The following PRKCQ variants were observed in gnomAD, a reference collection of about 807,000 sequenced individuals.
PRKCQ encodes the protein protein kinase C theta.
A neutral mutation model predicts 91.2 loss-of-function variants in PRKCQ; 41 were observed. The ratio of observed to expected loss-of-function variants is 0.45; its 90% CI spans 0.35 to 0.58. The LOEUF is 0.58. Among genes scored for constraint, PRKCQ ranks in the 20% least tolerant of loss-of-function variants. The pLI is 0.00. For missense variants in PRKCQ, 673 were observed against 896.5 expected (o/e 0.75, Z 3.18); for synonymous variants, 307 against 316.9 (o/e 0.97, Z 0.33).
At chr10:6,452,143 T>C (rs1044814570) in intron 15 of PRKCQ, among the ~76,000 whole-genome samples, 2 of 152,146 alleles carry the variant, frequency 1.3e-5, no homozygotes, top group African/African-American at 4.8e-5. Flanking sequence ...AATTGTCCTG[T>C]TTGCAGATGA....
intron 16 of PRKCQ, among the ~76,000 whole-genome samples, chr10:6,440,319 G>A (rs372418433): frequency 1.9e-4 from 29 of 152,306 alleles, no homozygotes; most frequent in African/African-American, 6.3e-4. Flanking sequence ...CAGAATCAGC[G>A]TTGGTACAGT....
chr10:6,501,253 GA>G (rs907837896), intron 4 of PRKCQ, among the ~76,000 whole-genome samples: 3 of 148,688 alleles, frequency 2.0e-5, no homozygotes, highest in Non-Finnish European at 3.0e-5. Context: ...GTTAGGGAAA[GA>G]AAAAAAAACT....
chr10:6,539,619 A>G (rs1369635250), intron 1 of PRKCQ, among the ~76,000 whole-genome samples: 1 of 152,116 alleles, frequency 6.6e-6, no homozygotes, highest in Non-Finnish European at 1.5e-5. Context: ...GTTACAATGT[A>G]ATAATAATAG....
chr10:6,503,546 A>G (rs1297513230), intron 4 of PRKCQ, among the ~76,000 whole-genome samples: 1 of 152,140 alleles, frequency 6.6e-6, no homozygotes, highest in Non-Finnish European at 1.5e-5. Flanking sequence ...GAGCTGAGCC[A>G]TTTACTTCCT....
chr10:6,575,066 G>C (rs1410662278), intron 1 of PRKCQ, among the ~76,000 whole-genome samples: 1 of 152,180 alleles, frequency 6.6e-6, no homozygotes, highest in East Asian at 1.9e-4. Flanking sequence ...CAGCCCTCAT[G>C]GAGTTTCATG....
In PRKCQ at chr10:6,460,363, C is replaced by T. The variant is rs111939309; in HGVS notation, c.1508+1940G>A. On this transcript the variant is annotated intron_variant, in intron 14 of 17. Transcript: ENST00000263125. ...GACATGATAGAAAGAAGCTTTGTGACACAGGGAAATAAAATGCCCCGAGGC... is the reference window on the plus strand; with the variant it reads ...GACATGATAGAAAGAAGCTTTGTGATACAGGGAAATAAAATGCCCCGAGGC... Among the ~76,000 whole-genome samples the T allele has an allele frequency of 1.3e-3, 201 of 151,660 alleles. 1 individual carries two copies. Among genetic ancestry groups the T allele is most frequent in the African/African-American group, 4.6e-3 (192 of 41,300 alleles).
intron 10 of PRKCQ, 99 bp downstream of exon 10, chr10:6,485,053 C>T: frequency 9.6e-7 from 1 of 1,046,056 alleles, no homozygotes; most frequent in South Asian, 1.5e-5. Context: ...GATCACCTAT[C>T]AGACCAGGTA....
intron 7 of PRKCQ, among the ~76,000 whole-genome samples, chr10:6,492,079 C>T (rs1330091961): frequency 6.6e-6 from 1 of 152,140 alleles, no homozygotes; most frequent in Non-Finnish European, 1.5e-5. Flanking sequence ...TTCACACAGA[C>T]AGGCTAAAAG....
intron 15 of PRKCQ, among the ~76,000 whole-genome samples, chr10:6,443,053 T>TCA (rs1482056304): frequency 6.6e-6 from 1 of 152,244 alleles, no homozygotes; most frequent in Non-Finnish European, 1.5e-5. Flanking sequence ...TGAGTCTATC[T>TCA]GTTAGGGAGG....
intron 4 of PRKCQ, among the ~76,000 whole-genome samples, chr10:6,499,908 C>T (rs1368898996): frequency 6.6e-6 from 1 of 152,218 alleles, no homozygotes; most frequent in Non-Finnish European, 1.5e-5. Flanking sequence ...AGGAATCCAG[C>T]CACATCCCAG....
At chr10:6,474,762 T>A (rs1242277217) in intron 12 of PRKCQ, among the ~76,000 whole-genome samples, 1 of 152,246 alleles carries the variant, frequency 6.6e-6, no homozygotes, top group Admixed American at 6.5e-5. Flanking sequence ...AAAAGATTTA[T>A]GACAACTCTT....
intron 1 of PRKCQ, among the ~76,000 whole-genome samples, chr10:6,571,268 T>C (rs1309404199): frequency 6.6e-6 from 1 of 152,124 alleles, no homozygotes; most frequent in Non-Finnish European, 1.5e-5. Flanking sequence ...GCAAAGAAAG[T>C]GCATCATCTC....
chr10:6,518,665 A>C (rs1260201062), intron 1 of PRKCQ, among the ~76,000 whole-genome samples: 1 of 152,092 alleles, frequency 6.6e-6, no homozygotes, highest in African/African-American at 2.4e-5. Flanking sequence ...CTACAAAAAT[A>C]CAGCAATTAG....
At chr10:6,572,547 C>G (rs897703571) in intron 1 of PRKCQ, among the ~76,000 whole-genome samples, 1 of 152,192 alleles carries the variant, frequency 6.6e-6, no homozygotes, top group Middle Eastern at 3.2e-3. Context: ...ATCCATGTCC[C>G]TGCAAAGGAC....
At chr10:6,549,705 A>G (rs1463512436) in intron 1 of PRKCQ, among the ~76,000 whole-genome samples, 1 of 141,524 alleles carries the variant, frequency 7.1e-6, no homozygotes, top group Non-Finnish European at 1.5e-5. Context: ...ATCTTGGCTC[A>G]CTGCAATCTC....
intron 11 of PRKCQ, 95 bp downstream of exon 11, chr10:6,483,345 T>A (rs1836718403): frequency 2.7e-6 from 4 of 1,495,162 alleles, no homozygotes; most frequent in African/African-American, 1.4e-5. Context: ...TCACATGCAA[T>A]CCTAGTGGCC....
At chr10:6,461,271 A>T (rs982116177) in intron 14 of PRKCQ, among the ~76,000 whole-genome samples, 5 of 151,862 alleles carry the variant, frequency 3.3e-5, no homozygotes. Context: ...CTGTTCACTC[A>T]TCCATCATCC....
intron 12 of PRKCQ, among the ~76,000 whole-genome samples, chr10:6,467,428 A>AGAGAGAGAGAGAGAGAGAGG (rs1835747336): frequency 1.2e-5 from 1 of 80,206 alleles, no homozygotes; most frequent in African/African-American, 4.2e-5. Context: ...AGAGAGAGAG[A>AGAGAGAGAGAGAGAGAGAGG]GAGATGGTGG....
At chr10:6,541,084 G>A (rs1170561735) in intron 1 of PRKCQ, among the ~76,000 whole-genome samples, 1 of 152,208 alleles carries the variant, frequency 6.6e-6, no homozygotes, top group Non-Finnish European at 1.5e-5. Flanking sequence ...TAGATGCACT[G>A]AAGGTCCATA....
Sources: gnomAD v4.1 joint callset for allele counts (sites outside exome capture counted in the v4.1 genomes callset) on GRCh38, gnomAD v4.1.1 for gene constraint, MANE v1.5 for transcripts, NCBI Gene and HGNC (gene_info 2026-07-23, HGNC 2026-07-21) for gene names.